KCNC2: variants seen among roughly 807,000 people sequenced by gnomAD.
KCNC2 encodes the protein potassium voltage-gated channel subfamily C member 2, also known as voltage-gated potassium channel KCNC2.
In KCNC2, 21 loss-of-function variants were observed where a neutral mutation model predicts 44.5. That is an observed-to-expected ratio of 0.47 (90% CI 0.33 to 0.68). The LOEUF (loss-of-function observed/expected upper bound fraction) is 0.68, where lower values mean the gene tolerates loss of function less well. Among genes scored for constraint, KCNC2 ranks in the 30% least tolerant of loss-of-function variants. The probability of loss-of-function intolerance (pLI) is 0.01; values close to 1 mark genes in which losing one functional copy is unlikely to be tolerated. For missense variants in KCNC2, 589 were observed against 826.2 expected (o/e 0.71, Z 3.52); for synonymous variants, 391 against 339.1 (o/e 1.15, Z -1.68).
intron 2 of KCNC2, among the ~76,000 whole-genome samples, chr12:75,133,994 A>G (rs181193631): frequency 7.2e-5 from 11 of 152,134 alleles, no homozygotes. Context: ...AGCACATATC[A>G]GGAGGCATTG....
At chr12:75,075,209 A>T (rs527635264) in intron 2 of KCNC2, among the ~76,000 whole-genome samples, 2 of 152,108 alleles carry the variant, frequency 1.3e-5, no homozygotes, top group Non-Finnish European at 2.9e-5. Context: ...TAAAATGTGA[A>T]ATAGCTATAC....
chr12:75,186,924 A>C (rs17195170), intron 2 of KCNC2, among the ~76,000 whole-genome samples: 1 of 152,198 alleles, frequency 6.6e-6, no homozygotes, highest in African/African-American at 2.4e-5. Flanking sequence ...TACATGGAAA[A>C]GTAAATCCAA....
rs537961544 is a variant in KCNC2 at position 75,155,568 on chromosome 12, T to A, written c.687+51729A>T. 4.6e-5 allele frequency among the ~76,000 whole-genome samples: 7 copies of A among 151,874 alleles called. No individual in the cohort carries two copies. In the South Asian group the frequency reaches 1.2e-3, roughly 27 times the overall value. On this transcript the variant is annotated intron_variant, in intron 2 of 4. Transcript: ENST00000549446. ...AAGAGTAGGACAAAATGAAGATAAT[T>A]TGACTTTATATTAGTAAAAATTAAT...
Position 75,042,357 on chromosome 12 carries a change from C to A in KCNC2, c.*748G>T. On this transcript the variant is annotated 3_prime_UTR_variant, in exon 5 of 5. Transcript: ENST00000549446. The stretch of plus-strand genomic sequence containing the variant: ...TCGGCTTGCGTGTAACCAGTAATGA[C>A]AACCTCTTTGCAGTTATCTGTGTGC... 1 of 1,612,074 alleles carries A rather than the reference C, an allele frequency of 6.2e-7. No homozygotes were observed. The highest frequency in any genetic ancestry group is 8.5e-7 in the Non-Finnish European group (1 of 1,178,740).
At chr12:75,084,442 T>C (rs1884821277) in intron 2 of KCNC2, among the ~76,000 whole-genome samples, 1 of 151,922 alleles carries the variant, frequency 6.6e-6, no homozygotes, top group Non-Finnish European at 1.5e-5. Context: ...GGGGAGGTAA[T>C]TGAATCATGG....
At chr12:75,119,264 T>C (rs1169542492) in intron 2 of KCNC2, among the ~76,000 whole-genome samples, 1 of 152,168 alleles carries the variant, frequency 6.6e-6, no homozygotes, top group Non-Finnish European at 1.5e-5. Flanking sequence ...AAAAACAGCA[T>C]GCAGAGGCTG....
chr12:75,148,300 G>A (rs1338442155), intron 2 of KCNC2, among the ~76,000 whole-genome samples: 5 of 152,044 alleles, frequency 3.3e-5, no homozygotes, highest in African/African-American at 7.2e-5. Flanking sequence ...AACCTCCATC[G>A]AAACTGACAA....
intron 2 of KCNC2, among the ~76,000 whole-genome samples, chr12:75,145,628 G>A (rs192338277): frequency 2.2e-4 from 33 of 151,992 alleles, no homozygotes; most frequent in Admixed American, 1.9e-3. Flanking sequence ...TTCATATTGA[G>A]GCTAAAACTG....
Position 75,184,336 on chromosome 12 carries a change from A to C in KCNC2, c.687+22961T>G, listed in dbSNP as rs7132731. On this transcript the variant is annotated intron_variant, in intron 2 of 4. Coordinates refer to ENST00000549446, the MANE Select transcript of KCNC2 (RefSeq NM_139137.4). Reference sequence around the variant, plus strand: ...TTTTATACTATTTAAGAGCATATGCATATTTTTCCCAGGTTAATCATCTAG... The same window carrying C: ...TTTTATACTATTTAAGAGCATATGCCTATTTTTCCCAGGTTAATCATCTAG... Among the ~76,000 whole-genome samples, 147 of 152,276 alleles carry C rather than the reference A, an allele frequency of 9.7e-4. 1 individual carries two copies. Among genetic ancestry groups the C allele is most frequent in the East Asian group, 2.7e-3 (14 of 5,180 alleles).
chr12:75,083,547 T>A (rs1265832040), intron 2 of KCNC2, among the ~76,000 whole-genome samples: 1 of 151,910 alleles, frequency 6.6e-6, no homozygotes, highest in African/African-American at 2.4e-5. Flanking sequence ...CCTTAAAATG[T>A]TTACTAAAAA....
intron 2 of KCNC2, among the ~76,000 whole-genome samples, chr12:75,120,165 A>T (rs1887954142): frequency 6.6e-6 from 1 of 152,206 alleles, no homozygotes; most frequent in African/African-American, 2.4e-5. Flanking sequence ...ATTTAAGGGG[A>T]ATATAGAACA....
At chr12:75,074,356 C>G (rs189826298) in intron 2 of KCNC2, among the ~76,000 whole-genome samples, 2 of 151,230 alleles carry the variant, frequency 1.3e-5, no homozygotes, top group East Asian at 3.9e-4. Context: ...ATTTGAGACC[C>G]ATGCAGTGAA....
chr12:75,107,239 G>A (rs1354546087), intron 2 of KCNC2, among the ~76,000 whole-genome samples: 4 of 152,108 alleles, frequency 2.6e-5, no homozygotes, highest in Admixed American at 2.0e-4. Flanking sequence ...AGGAGGTGGA[G>A]GTTGCAGTGA....
chr12:75,205,961 G>T (rs944677026), intron 2 of KCNC2, among the ~76,000 whole-genome samples: 3 of 151,096 alleles, frequency 2.0e-5, no homozygotes, highest in African/African-American at 7.3e-5. Context: ...GTGTATGCAG[G>T]CATGTTAGAA....
At chr12:75,059,256 T>A (rs1413423819) in intron 2 of KCNC2, among the ~76,000 whole-genome samples, 3 of 152,138 alleles carry the variant, frequency 2.0e-5, no homozygotes, top group Non-Finnish European at 4.4e-5. Context: ...AAGTTAACTA[T>A]ATCAACTGCT....
At chr12:75,161,542 A>C (rs1270261124) in intron 2 of KCNC2, among the ~76,000 whole-genome samples, 1 of 151,804 alleles carries the variant, frequency 6.6e-6, no homozygotes, top group Non-Finnish European at 1.5e-5. Flanking sequence ...TCCCAGCTTC[A>C]TCTTAATAAG....
At chr12:75,151,732 G>T (rs1452483718) in intron 2 of KCNC2, among the ~76,000 whole-genome samples, 1 of 151,064 alleles carries the variant, frequency 6.6e-6, no homozygotes, top group African/African-American at 2.4e-5. Context: ...GTATTATCAA[G>T]AATCAACCAG....
intron 2 of KCNC2, among the ~76,000 whole-genome samples, chr12:75,114,348 C>T (rs1887483175): frequency 6.6e-6 from 1 of 152,170 alleles, no homozygotes; most frequent in Non-Finnish European, 1.5e-5. Flanking sequence ...AATCTATCAG[C>T]AAATATGGTG....
At position 75,187,780 on chromosome 12, in the gene KCNC2, C is replaced by T. The variant is rs115330077; in HGVS notation, c.687+19517G>A. Among the ~76,000 whole-genome samples, 831 of 152,188 alleles carry T rather than the reference C, an allele frequency of 5.5e-3. 4 individuals are homozygous for T. Among genetic ancestry groups the T allele is most frequent in the African/African-American group, 0.019 (782 of 41,500 alleles). ...ACTATAAATGAAAATTATGAGAACC[C>T]AAATTGCCAGAAGAATGCATATACA... On this transcript the variant is annotated intron_variant, in intron 2 of 4. Transcript: ENST00000549446.
Sources: gnomAD v4.1 joint callset for allele counts (sites outside exome capture counted in the v4.1 genomes callset) on GRCh38, gnomAD v4.1.1 for gene constraint, MANE v1.5 for transcripts, NCBI Gene and HGNC (gene_info 2026-07-23, HGNC 2026-07-21) for gene names.